MGAT4C: variants seen among roughly 807,000 people sequenced by gnomAD.
The protein encoded by MGAT4C is alpha-1,3-mannosyl-glycoprotein 4-beta-N-acetylglucosaminyltransferase C.
Under a neutral mutation model 40.1 loss-of-function variants are expected in MGAT4C, and 19 were observed. The ratio of observed to expected loss-of-function variants is 0.47; its 90% CI spans 0.33 to 0.70. MGAT4C has a LOEUF of 0.70. MGAT4C is among the 30% of genes least tolerant of loss of function. The pLI, the probability that MGAT4C is intolerant of heterozygous loss-of-function variation, is 0.02. For missense variants in MGAT4C, 491 were observed against 563.2 expected (o/e 0.87, Z 1.30); for synonymous variants, 181 against 187.1 (o/e 0.97, Z 0.27).
At chr12:86,696,038 C>A (rs972738515) in intron 2 of MGAT4C, among the ~76,000 whole-genome samples, 1 of 151,636 alleles carries the variant, frequency 6.6e-6, no homozygotes, top group Non-Finnish European at 1.5e-5. Flanking sequence ...GGTGAAACCC[C>A]GTTTCTACTA....
At chr12:86,150,719 A>G (rs527358508) in intron 1 of MGAT4C, among the ~76,000 whole-genome samples, 17 of 152,142 alleles carry the variant, frequency 1.1e-4, no homozygotes, top group Non-Finnish European at 2.4e-4. Context: ...GGATTCAGAA[A>G]TCTCCTAGGT....
At chr12:86,659,824 T>G (rs1386752175) in intron 2 of MGAT4C, among the ~76,000 whole-genome samples, 1 of 152,110 alleles carries the variant, frequency 6.6e-6, no homozygotes, top group Non-Finnish European at 1.5e-5. Flanking sequence ...CAGAAATATG[T>G]TGACTAAATA....
At chr12:86,674,911 A>G (rs1200386703) in intron 2 of MGAT4C, among the ~76,000 whole-genome samples, 1 of 152,282 alleles carries the variant, frequency 6.6e-6, no homozygotes, top group South Asian at 2.1e-4. Context: ...TTTACTCTGC[A>G]TATGATTTGG....
Position 85,960,702 on chromosome 12 carries a change from G to A in MGAT4C, c.*18587C>T. On this transcript the variant is annotated 3_prime_UTR_variant, in exon 5 of 5. Transcript: ENST00000611864. ...CTTTGAAGACTGTGCTGAAGGAAAT[G>A]ATGGCATGAACAACTCTAGATAATT... 1 of 151,982 alleles carries A rather than the reference G, an allele frequency of 6.6e-6. No homozygotes were observed. The highest frequency in any genetic ancestry group is 6.6e-5 in the Admixed American group (1 of 15,246). The allele number at this position is 151,982 out of a possible 1,614,324, so 9.4% of individuals were successfully genotyped here. A position where few individuals can be genotyped will look rare whatever the true frequency, so the allele number is the denominator to read the frequency against.
intron 3 of MGAT4C, among the ~76,000 whole-genome samples, chr12:86,394,893 G>C (rs1039737072): frequency 1.3e-5 from 2 of 151,542 alleles, no homozygotes; most frequent in African/African-American, 4.8e-5. Flanking sequence ...TGGGAATACA[G>C]GTGTGAGACA....
chr12:86,763,001 G>T (rs749333976), intron 1 of MGAT4C, among the ~76,000 whole-genome samples: 2 of 152,122 alleles, frequency 1.3e-5, no homozygotes, highest in Admixed American at 6.5e-5. Context: ...GTTACAAAAT[G>T]TACCTTATTG....
intron 3 of MGAT4C, among the ~76,000 whole-genome samples, chr12:86,368,160 G>A (rs958354923): frequency 4.6e-5 from 7 of 152,116 alleles, no homozygotes; most frequent in African/African-American, 1.2e-4. Flanking sequence ...ATCTGGAATT[G>A]TCAAGAATAT....
intron 2 of MGAT4C, among the ~76,000 whole-genome samples, chr12:86,670,667 C>T: frequency 6.6e-6 from 1 of 152,122 alleles, no homozygotes; most frequent in East Asian, 1.9e-4. Flanking sequence ...GAAAATTTCT[C>T]TAATCTTGCT....
chr12:86,240,151 T>C (rs1166596630), intron 1 of MGAT4C, among the ~76,000 whole-genome samples: 1 of 151,028 alleles, frequency 6.6e-6, no homozygotes, highest in East Asian at 1.9e-4. Context: ...GCTTTGTTTT[T>C]CATTTCAAAA....
chr12:86,695,796 G>T (rs1950246207), intron 2 of MGAT4C, among the ~76,000 whole-genome samples: 1 of 151,996 alleles, frequency 6.6e-6, no homozygotes, highest in African/African-American at 2.4e-5. Flanking sequence ...GGGGGTGGGA[G>T]AGTGAAGGTG....
chr12:85,982,302 C>T (rs1484344443), intron 4 of MGAT4C, among the ~76,000 whole-genome samples: 2 of 152,132 alleles, frequency 1.3e-5, no homozygotes, highest in African/African-American at 4.8e-5. Flanking sequence ...GCCTTGGCCT[C>T]CTCAGCCTCC....
chr12:86,424,192 A>G (rs1956881617), intron 3 of MGAT4C, among the ~76,000 whole-genome samples: 1 of 152,212 alleles, frequency 6.6e-6, no homozygotes, highest in Non-Finnish European at 1.5e-5. Flanking sequence ...AGGTTCCAGA[A>G]TCATTGCAGC....
At chr12:86,248,293 A>C (rs1952127337) in intron 1 of MGAT4C, among the ~76,000 whole-genome samples, 1 of 150,884 alleles carries the variant, frequency 6.6e-6, no homozygotes. Flanking sequence ...TCTGCAGAGC[A>C]CTTTGCTAGG....
At chr12:86,683,400 A>G (rs1202221921) in intron 2 of MGAT4C, among the ~76,000 whole-genome samples, 2 of 152,178 alleles carry the variant, frequency 1.3e-5, no homozygotes, top group African/African-American at 4.8e-5. Context: ...ATAGTTAATG[A>G]GCATCCTCAT....
intron 1 of MGAT4C, among the ~76,000 whole-genome samples, chr12:86,249,473 C>A (rs923446830): frequency 6.6e-6 from 1 of 152,148 alleles, no homozygotes; most frequent in African/African-American, 2.4e-5. Flanking sequence ...CTGCTTCTTA[C>A]CTCTTTTAGG....
At chr12:86,368,826 C>A (rs1218034351) in intron 3 of MGAT4C, among the ~76,000 whole-genome samples, 2 of 151,940 alleles carry the variant, frequency 1.3e-5, no homozygotes, top group Non-Finnish European at 2.9e-5. Flanking sequence ...AAAGAATATT[C>A]CATGTGCTCT....
upstream of MGAT4C, among the ~76,000 whole-genome samples, chr12:86,258,755 CAT>C (rs1444577625): frequency 6.6e-6 from 1 of 151,882 alleles, no homozygotes; most frequent in Non-Finnish European, 1.5e-5. Context: ...ATTTTAAGGA[CAT>C]ACACTTATTA....
chr12:86,290,471 TA>T (rs56163366), intron 4 of MGAT4C, among the ~76,000 whole-genome samples: 129,013 of 152,058 alleles, frequency 0.85, 54,802 homozygotes, highest in East Asian at 0.95. Flanking sequence ...TACAGACTAA[TA>T]AAAAAACTGG....
chr12:86,196,484 G>A (rs1019464704), intron 1 of MGAT4C, among the ~76,000 whole-genome samples: 1 of 152,224 alleles, frequency 6.6e-6, no homozygotes, highest in African/African-American at 2.4e-5. Flanking sequence ...TGAGACCAAA[G>A]AGAAAACACC....
Sources: allele counts gnomAD v4.1 joint callset (sites outside exome capture counted in the v4.1 genomes callset), GRCh38; gene constraint gnomAD v4.1.1; transcripts MANE v1.5; gene names NCBI Gene and HGNC (gene_info 2026-07-23, HGNC 2026-07-21).